Variants in LRAT observed in about 807,000 individuals in gnomAD.
The protein encoded by LRAT is lecithin retinol acyltransferase.
A neutral mutation model predicts 14.2 loss-of-function variants in LRAT; 11 were observed. The ratio of observed to expected loss-of-function variants is 0.78; its 90% CI spans 0.49 to 1.29. LRAT has a LOEUF of 1.29. LRAT is among the 50% of genes most tolerant of loss of function. The pLI, the probability that LRAT is intolerant of heterozygous loss-of-function variation, is 0.00. For synonymous variants in LRAT, 144 were observed against 124.8 expected, an observed-to-expected ratio of 1.15 and a Z score of -1.03; for missense variants, 274 against 292.4, an observed-to-expected ratio of 0.94 and a Z score of 0.46.
rs183277954 is a variant in LRAT at position 154,748,297 on chromosome 4, G to C, written c.541-687G>C. 3.0e-5 allele frequency: 29 copies of C among 979,320 alleles called. 1 individual carries two copies. The East Asian group carries it at 2.8e-3, about 96-fold the overall frequency. The allele number at this position is 979,320 out of a possible 1,614,324, so 60.7% of individuals were successfully genotyped here. A position where few individuals can be genotyped will look rare whatever the true frequency, so the allele number is the denominator to read the frequency against. ...GAGGTGACATAGCCAATAAGAGCTG[G>C]AGCCAGGACTCAGACATAGGCCATC... On this transcript the variant is annotated intron_variant, in intron 2 of 2. Transcript: ENST00000336356.
At chr4:154,747,056 A>T (rs1732897533) in intron 2 of LRAT, among the ~76,000 whole-genome samples, 1 of 152,182 alleles carries the variant, frequency 6.6e-6, no homozygotes, top group African/African-American at 2.4e-5. Flanking sequence ...ATAAGAAATT[A>T]TTTGATTCTG....
chr4:154,745,281 A>C (rs1255238882), intron 2 of LRAT: 1 of 196,534 alleles, frequency 5.1e-6, no homozygotes, highest in Non-Finnish European at 1.1e-5. Context: ...TCAGCATCCC[A>C]AAGTGCTGGG....
At chr4:154,748,927 T>A in intron 2 of LRAT, 57 bp from the exon 3 acceptor site, 2 of 1,504,196 alleles carry the variant, frequency 1.3e-6, no homozygotes, top group Non-Finnish European at 1.8e-6. Flanking sequence ...GTTTGATATA[T>A]GTGATTCTTC....
upstream of LRAT, among the ~76,000 whole-genome samples, chr4:154,742,958 C>T (rs891304936): frequency 1.6e-4 from 25 of 152,320 alleles, no homozygotes; most frequent in Admixed American, 3.9e-4. Flanking sequence ...GAGAAATAAA[C>T]TTAACATGAA....
At chr4:154,744,912 C>T in intron 2 of LRAT, 46 bp downstream of exon 2, 1 of 1,589,582 alleles carries the variant, frequency 6.3e-7, no homozygotes, top group Non-Finnish European at 8.6e-7. Context: ...CGGAGATGCC[C>T]CCTCCCATCC....
Position 154,749,378 on chromosome 4 carries a change from G to A in LRAT, c.*242G>A. Reference sequence around the variant, plus strand: ...AAACCTTGGAAATACGACAGGGTGTGGTAGAATTCAGCAATATGAGAAAAC... The same window carrying A: ...AAACCTTGGAAATACGACAGGGTGTAGTAGAATTCAGCAATATGAGAAAAC... On this transcript the variant is annotated 3_prime_UTR_variant, in exon 3 of 3. Coordinates refer to ENST00000336356, the MANE Select transcript of LRAT (RefSeq NM_004744.5). 2.0e-6 allele frequency: 1 copy of A among 492,184 alleles called. No individual in the cohort carries two copies. The highest frequency in any genetic ancestry group is 3.7e-6 in the Non-Finnish European group (1 of 272,162). The allele number at this position is 492,184 out of a possible 1,614,324, so 30.5% of individuals were successfully genotyped here.
Position 154,744,497 on chromosome 4 carries a change from C to T in LRAT, c.171C>T (p.His57=), listed in dbSNP as rs762402395. The T allele has an allele frequency of 6.2e-7, 1 of 1,614,020 alleles. No individual in the cohort carries two copies. Among genetic ancestry groups the T allele is most frequent in the African/African-American group, 1.3e-5 (1 of 74,934 alleles). The change falls in exon 2 of 3, where the codon CAC becomes CAT. Residue 57 remains histidine, a synonymous_variant. Coordinates refer to ENST00000336356, the MANE Select transcript of LRAT (RefSeq NM_004744.5). ...ACGTGCTGGAGGTGCCCCGGACCCA[C>T]CTGACCCACTATGGCATCTACCTAG... ...RGDVLEVPRT[H]LTHYGIYLGD... is the part of the protein sequence containing the mutation.
At chr4:154,741,423 T>C (rs925796705), upstream of LRAT, among the ~76,000 whole-genome samples, 2 of 152,196 alleles carry the variant, frequency 1.3e-5, no homozygotes, top group Non-Finnish European at 2.9e-5. Flanking sequence ...TTTCAGGCAA[T>C]TCCACTGAGC....
chr4:154,741,792 A>T (rs1732772090), upstream of LRAT, among the ~76,000 whole-genome samples: 1 of 152,204 alleles, frequency 6.6e-6, no homozygotes, highest in Non-Finnish European at 1.5e-5. Flanking sequence ...ATATGTATAT[A>T]TTTTTATATA....
At position 154,750,643 on chromosome 4, in the gene LRAT, TATTAA is replaced by T. The variant is rs931406114; in HGVS notation, c.*1512_*1516del. The T allele has an allele frequency of 1.8e-4, 27 of 152,100 alleles. No individual in the cohort carries two copies. Among genetic ancestry groups the T allele is most frequent in the Admixed American group, 1.2e-3 (19 of 15,262 alleles). The allele number at this position is 152,100 out of a possible 1,614,324, so 9.4% of individuals were successfully genotyped here. On this transcript the variant is annotated 3_prime_UTR_variant, in exon 3 of 3. Transcript: ENST00000336356. ...TCAGTATTTAATTTTTCAAATTAAA[TATTAA>T]ATTATTTAAGTATTTTAAATAATTA...
At chr4:154,745,944 A>G (rs1411516013) in intron 2 of LRAT, among the ~76,000 whole-genome samples, 1 of 152,202 alleles carries the variant, frequency 6.6e-6, no homozygotes, top group African/African-American at 2.4e-5. Flanking sequence ...CCAGAGATCA[A>G]TACAATTAGT....
chr4:154,744,062 G>A lies in LRAT; in HGVS notation c.-162G>A. The A allele has an allele frequency of 1.9e-6, 1 of 530,792 alleles. No homozygotes were observed. The allele number at this position is 530,792 out of a possible 1,614,324, so 32.9% of individuals were successfully genotyped here. A position where few individuals can be genotyped will look rare whatever the true frequency, so the allele number is the denominator to read the frequency against. ...AGGTGCGCTCCTTCTCCGGCTGCTTGTAGCACTGGTCTCACTGTCCCCGCC... is the reference window on the plus strand; with the variant it reads ...AGGTGCGCTCCTTCTCCGGCTGCTTATAGCACTGGTCTCACTGTCCCCGCC... On this transcript the variant is annotated 5_prime_UTR_variant, in exon 1 of 3. Coordinates refer to ENST00000336356, the MANE Select transcript of LRAT (RefSeq NM_004744.5).
intron 1 of LRAT, 28 bp downstream of exon 1, chr4:154,744,250 G>C (rs1578859814): frequency 2.0e-6 from 3 of 1,495,478 alleles, no homozygotes; most frequent in African/African-American, 1.4e-5. Context: ...ACCCCTGCCC[G>C]GCGAGCTTAA....
Position 154,752,751 on chromosome 4 carries a change from ATAGAT to A in LRAT, c.*3618_*3622del, listed in dbSNP as rs1204631550. ...CTGCCAGAAAGTTGGTTCTTGCAAAATAGATTAACTTGATGACTATGTGTATATTG... is the reference window on the plus strand; with the variant it reads ...CTGCCAGAAAGTTGGTTCTTGCAAAATAACTTGATGACTATGTGTATATTG... On this transcript the variant is annotated 3_prime_UTR_variant, in exon 3 of 3. Coordinates refer to ENST00000336356, the MANE Select transcript of LRAT (RefSeq NM_004744.5). 1 of 152,216 alleles carries A rather than the reference ATAGAT, an allele frequency of 6.6e-6. No homozygotes were observed. The highest frequency in any genetic ancestry group is 1.5e-5 in the Non-Finnish European group (1 of 68,030). The allele number at this position is 152,216 out of a possible 1,614,324, so 9.4% of individuals were successfully genotyped here.
rs765063151 is a variant in LRAT at position 154,744,780 on chromosome 4, A to AC, written c.459dup (p.Tyr154LeufsTer30). The AC allele has an allele frequency of 3.7e-6, 6 of 1,613,952 alleles. No homozygotes were observed. The highest frequency in any genetic ancestry group is 1.3e-5 in the African/African-American group (1 of 74,994). ...GAGGGCTGAAAAGCTGCTGGGCTTT[A>AC]CCCCCTACAGCCTGCTGTGGAACAA... On this transcript the variant is annotated frameshift_variant, in exon 2 of 3. Transcript: ENST00000336356. LOFTEE classifies it high-confidence loss of function.
At chr4:154,743,250 T>C (rs1206993705), upstream of LRAT, among the ~76,000 whole-genome samples, 1 of 151,316 alleles carries the variant, frequency 6.6e-6, no homozygotes, top group Non-Finnish European at 1.5e-5. Flanking sequence ...GTTTGGGAGG[T>C]CCAGAAGGGC....
At chr4:154,743,060 CAG>C (rs1320333930), upstream of LRAT, among the ~76,000 whole-genome samples, 3 of 146,678 alleles carry the variant, frequency 2.0e-5, no homozygotes, top group African/African-American at 7.5e-5. Context: ...CCTAGGAGCG[CAG>C]AGAGGCCTCG....
chr4:154,748,384 C>T, intron 2 of LRAT: 2 of 987,802 alleles, frequency 2.0e-6, no homozygotes, highest in Non-Finnish European at 2.4e-6. Flanking sequence ...ATGCATTCCT[C>T]AGGGGTAAGG....
At chr4:154,742,608 C>A (rs1429946907), upstream of LRAT, among the ~76,000 whole-genome samples, 2 of 152,174 alleles carry the variant, frequency 1.3e-5, no homozygotes, top group Non-Finnish European at 2.9e-5. Context: ...CGAGGCTCTC[C>A]ATTGTGGCCT....
Sources: gnomAD v4.1 joint callset for allele counts (sites outside exome capture counted in the v4.1 genomes callset) on GRCh38, gnomAD v4.1.1 for gene constraint, MANE v1.5 for transcripts, NCBI Gene and HGNC (gene_info 2026-07-23, HGNC 2026-07-21) for gene names.